The following SKI variants were observed in gnomAD, a reference collection of about 807,000 sequenced individuals.
The protein encoded by SKI is SKI proto-oncogene, also known as ski oncogene.
A neutral mutation model predicts 59.3 loss-of-function variants in SKI; 23 were observed. The observed-to-expected ratio is 0.39, with a 90% CI of 0.28 to 0.55. SKI has a LOEUF of 0.55. Among genes scored for constraint, SKI ranks in the 20% least tolerant of loss-of-function variants. The probability of loss-of-function intolerance (pLI) is 0.67; values close to 1 mark genes in which losing one functional copy is unlikely to be tolerated. For synonymous variants in SKI, 673 were observed against 488.6 expected (o/e 1.38, Z -4.98); for missense variants, 1,017 against 1,038.9 (o/e 0.98, Z 0.29).
At chr1:2,293,997 C>T (rs1279380282) in intron 1 of SKI, among the ~76,000 whole-genome samples, 3 of 152,170 alleles carry the variant, frequency 2.0e-5, no homozygotes, top group Admixed American at 1.3e-4. Context: ...TCTGTGGCCT[C>T]GGAGGCTCCC....
chr1:2,267,116 A>G lies in SKI; in HGVS notation c.970-35862A>G, dbSNP rs1249423579. On this transcript the variant is annotated intron_variant, in intron 1 of 6. Transcript: ENST00000378536. The surrounding 1 kb of genome is among the most constrained non-coding windows in gnomAD (Gnocchi z 4.1). ...CACCGCCTTTTCAGTTTCAGCGGGA[A>G]TTGATTATGAACAAAGTGCCATGAT... is the stretch of plus-strand genomic sequence containing the variant. Among the ~76,000 whole-genome samples, 1 of 152,176 alleles carries G rather than the reference A, an allele frequency of 6.6e-6. No homozygotes were observed. Among genetic ancestry groups the G allele is most frequent in the Non-Finnish European group, 1.5e-5 (1 of 68,032 alleles).
intron 1 of SKI, among the ~76,000 whole-genome samples, chr1:2,235,753 T>C (rs1638738249): frequency 6.6e-6 from 1 of 152,142 alleles, no homozygotes. Flanking sequence ...TTAAATGAGA[T>C]TGTGGGGACA....
chr1:2,262,901 T>G (rs1425906370), intron 1 of SKI, among the ~76,000 whole-genome samples: 1 of 152,174 alleles, frequency 6.6e-6, no homozygotes, highest in Non-Finnish European at 1.5e-5. Context: ...GAATTTGTTT[T>G]TTTTTGTTTT....
intron 1 of SKI, among the ~76,000 whole-genome samples, chr1:2,255,991 C>T (rs1329173851): frequency 6.6e-6 from 1 of 151,624 alleles, no homozygotes; most frequent in Non-Finnish European, 1.5e-5. Context: ...GTCCTGACCT[C>T]ATTTCCTGTA....
At chr1:2,305,027 C>T (rs568040157) in intron 5 of SKI, among the ~76,000 whole-genome samples, 12 of 152,344 alleles carry the variant, frequency 7.9e-5, no homozygotes, top group South Asian at 6.2e-4. Context: ...CAAGACCTGG[C>T]GTCTGCAAAA....
chr1:2,260,571 G>A (rs1364589679), intron 1 of SKI, among the ~76,000 whole-genome samples: 2 of 104,724 alleles, frequency 1.9e-5, no homozygotes, highest in Admixed American at 2.3e-4. Context: ...GACAGGGTGT[G>A]GTTCTGTTGC....
In SKI at chr1:2,267,416, AG is replaced by A. The variant is rs1166129615; in HGVS notation, c.970-35561del. On this transcript the variant is annotated intron_variant, in intron 1 of 6. Coordinates refer to ENST00000378536, the MANE Select transcript of SKI (RefSeq NM_003036.4). The surrounding 1 kb of genome is among the most constrained non-coding windows in gnomAD (Gnocchi z 4.1). ...GTGTTGACAGGGCCGTTCGGGCCGG[AG>A]CAGGTGCGACAGGAATGTCCCACGT... Among the ~76,000 whole-genome samples, 1 of 152,146 alleles carries A rather than the reference AG, an allele frequency of 6.6e-6. No homozygotes were observed. Among genetic ancestry groups the A allele is most frequent in the African/African-American group, 2.4e-5 (1 of 41,416 alleles).
rs3065260 is a variant in SKI, at chr1:2,260,535, C to CTTTTTTTTTTTTTTT, written c.969+30809_969+30823dup. ...TCCAATTTTTCAGTTTGTTCTTTTT[C>CTTTTTTTTTTTTTTT]TTTTTTTTTTTTTTTTTTTTTTTGA... On this transcript the variant is annotated intron_variant, in intron 1 of 6. Coordinates refer to ENST00000378536, the MANE Select transcript of SKI (RefSeq NM_003036.4). Among the ~76,000 whole-genome samples the CTTTTTTTTTTTTTTT allele has an allele frequency of 2.7e-3, 185 of 67,814 alleles. 26 individuals are homozygous for CTTTTTTTTTTTTTTT. Among genetic ancestry groups the CTTTTTTTTTTTTTTT allele is most frequent in the African/African-American group, 3.7e-3 (60 of 16,136 alleles). 44.5% of individuals were successfully genotyped at this position (67,814 alleles called of 152,430 possible). A position where few individuals can be genotyped will look rare whatever the true frequency, so the allele number is the denominator to read the frequency against.
chr1:2,308,977 GC>G lies in SKI; in HGVS notation c.*2215del, dbSNP rs1640672469. 1 of 152,250 alleles carries G rather than the reference GC, an allele frequency of 6.6e-6. No individual in the cohort carries two copies. Among genetic ancestry groups the G allele is most frequent in the Non-Finnish European group, 1.5e-5 (1 of 68,088 alleles). 9.4% of individuals were successfully genotyped at this position (152,250 alleles called of 1,614,324 possible). ...GGAGGGTCCAGCCAGTGTCACCTGG[GC>G]CCACCCTTTCCTGCAGCTGCCAGGC... On this transcript the variant is annotated 3_prime_UTR_variant, in exon 7 of 7. Transcript: ENST00000378536.
intron 1 of SKI, among the ~76,000 whole-genome samples, chr1:2,301,404 C>T (rs901745819): frequency 2.6e-5 from 4 of 151,482 alleles, no homozygotes; most frequent in South Asian, 2.1e-4. Flanking sequence ...CCTGCGTCCC[C>T]GGCCCTGTGC....
chr1:2,251,829 T>C (rs533950705), intron 1 of SKI, among the ~76,000 whole-genome samples: 5 of 152,344 alleles, frequency 3.3e-5, no homozygotes, highest in Admixed American at 1.3e-4. Flanking sequence ...CTGGTTGTTG[T>C]TGGCCAGTGA....
rs746845280 is a variant in SKI at position 2,306,782 on chromosome 1, C to A, written c.*17C>A. On this transcript the variant is annotated 3_prime_UTR_variant, in exon 7 of 7. Coordinates refer to ENST00000378536, the MANE Select transcript of SKI (RefSeq NM_003036.4). ...GAGCCGTAGATTCCGTGCCTGCCGC[C>A]GCAGCGCCGCCGACAACGCGGGTGC... is the stretch of plus-strand genomic sequence containing the variant. The A allele has an allele frequency of 1.3e-6, 2 of 1,484,832 alleles. No individual in the cohort carries two copies. Among genetic ancestry groups the A allele is most frequent in the Non-Finnish European group, 1.8e-6 (2 of 1,121,628 alleles). The allele number at this position is 1,484,832 out of a possible 1,614,324, so 92.0% of individuals were successfully genotyped here. A position where few individuals can be genotyped will look rare whatever the true frequency, so the allele number is the denominator to read the frequency against.
At chr1:2,241,275 C>T (rs1638864103) in intron 1 of SKI, among the ~76,000 whole-genome samples, 1 of 152,252 alleles carries the variant, frequency 6.6e-6, no homozygotes, top group Non-Finnish European at 1.5e-5. Flanking sequence ...AAATTTCCAG[C>T]TTTCACTGAA....
At chr1:2,239,612 A>G (rs1442773868) in intron 1 of SKI, among the ~76,000 whole-genome samples, 1 of 152,238 alleles carries the variant, frequency 6.6e-6, no homozygotes, top group African/African-American at 2.4e-5. Context: ...CAAGGTGTGC[A>G]GTGGCAAGGG....
chr1:2,266,768 A>G (rs1639508973), intron 1 of SKI, among the ~76,000 whole-genome samples: 1 of 152,190 alleles, frequency 6.6e-6, no homozygotes, highest in Non-Finnish European at 1.5e-5. Flanking sequence ...GAGATAGAAA[A>G]TGAAGATGGT....
rs1226163559 is a variant in SKI at position 2,229,421 on chromosome 1, C to T, written c.655C>T (p.Arg219Cys). 1.2e-6 allele frequency: 2 copies of T among 1,611,078 alleles called. No individual in the cohort carries two copies. The highest frequency in any genetic ancestry group is 1.1e-5 in the South Asian group (1 of 90,882). ...LGLELSERSV[R>C]VYHECFGKCK... ...CCTGGAGCTCAGCGAGCGCAGCGTCCGCGTGTACCACGAGTGCTTCGGCAA... is the reference window on the plus strand; with the variant it reads ...CCTGGAGCTCAGCGAGCGCAGCGTCTGCGTGTACCACGAGTGCTTCGGCAA... Residue 219 changes from arginine to cysteine, a missense_variant, in exon 1 of 7, where the codon CGC (arginine) becomes TGC (cysteine). Physicochemically the swap from Arg to Cys is radical, Grantham distance 180. Coordinates refer to ENST00000378536, the MANE Select transcript of SKI (RefSeq NM_003036.4). The surrounding 1 kb of genome is among the most constrained non-coding windows in gnomAD (Gnocchi z 6.3).
chr1:2,254,896 C>T (rs943968664), intron 1 of SKI, among the ~76,000 whole-genome samples: 1 of 152,204 alleles, frequency 6.6e-6, no homozygotes, highest in Non-Finnish European at 1.5e-5. Flanking sequence ...CACAACAACA[C>T]TTCTTTCCTC....
At chr1:2,237,229 T>C (rs1054764734) in intron 1 of SKI, among the ~76,000 whole-genome samples, 19 of 151,178 alleles carry the variant, frequency 1.3e-4, no homozygotes, top group African/African-American at 3.7e-4. Context: ...GGGTGAGGGG[T>C]GGTGGGAGGG....
In SKI at chr1:2,265,745, T is replaced by C. The variant is rs191164338; in HGVS notation, c.969+36010T>C. The stretch of plus-strand genomic sequence containing the variant: ...ACTTTGGGAGGCTGAGGTGGGCAGA[T>C]TGCTTGAGTCCAGGAGTTTGAGACC... On this transcript the variant is annotated intron_variant, in intron 1 of 6. Coordinates refer to ENST00000378536, the MANE Select transcript of SKI (RefSeq NM_003036.4). Among the ~76,000 whole-genome samples the C allele has an allele frequency of 8.7e-4, 132 of 152,258 alleles. 1 individual carries two copies. The highest frequency in any genetic ancestry group is 5.2e-3 in the South Asian group (25 of 4,822).
Sources: gnomAD v4.1 joint callset for allele counts (sites outside exome capture counted in the v4.1 genomes callset) on GRCh38, gnomAD v4.1.1 for gene constraint, Gnocchi (gnomAD v3.1) non-coding constraint, MANE v1.5 for transcripts, NCBI Gene and HGNC (gene_info 2026-07-23, HGNC 2026-07-21) for gene names.